Variants in TOX observed in about 807,000 individuals in gnomAD.
TOX encodes thymocyte selection-associated high mobility group box protein TOX.
Under a neutral mutation model 53.7 loss-of-function variants are expected in TOX, and 11 were observed. The ratio of observed to expected loss-of-function variants is 0.20; its 90% CI spans 0.13 to 0.34. The LOEUF is 0.34. Ranked by LOEUF, TOX falls within the 10% of genes least tolerant of loss-of-function variation. The pLI, the probability that TOX is intolerant of heterozygous loss-of-function variation, is 1.00. For synonymous variants in TOX, 225 were observed against 245.3 expected (o/e 0.92, Z 0.77); for missense variants, 570 against 664.6 (o/e 0.86, Z 1.56).
intron 1 of TOX, among the ~76,000 whole-genome samples, chr8:58,978,815 T>G (rs1813152352): frequency 6.6e-6 from 1 of 152,234 alleles, no homozygotes; most frequent in African/African-American, 2.4e-5. Flanking sequence ...CCAACAAATG[T>G]ACAATGACAT....
chr8:58,861,629 G>A (rs1447444028), intron 3 of TOX, among the ~76,000 whole-genome samples: 1 of 152,218 alleles, frequency 6.6e-6, no homozygotes, highest in African/African-American at 2.4e-5. Flanking sequence ...TGGATTGGAA[G>A]TGTAGGTTAA....
intron 3 of TOX, among the ~76,000 whole-genome samples, chr8:58,925,972 G>T (rs1210790506): frequency 6.6e-6 from 1 of 152,084 alleles, no homozygotes; most frequent in Non-Finnish European, 1.5e-5. Context: ...AGAGGGTCTT[G>T]GTCCACTGAG....
intron 1 of TOX, among the ~76,000 whole-genome samples, chr8:59,016,373 A>G (rs1186469287): frequency 1.3e-5 from 2 of 152,198 alleles, no homozygotes; most frequent in Non-Finnish European, 2.9e-5. Context: ...GTATCAATTT[A>G]ATTTTCCCTG....
intron 3 of TOX, among the ~76,000 whole-genome samples, chr8:58,856,380 TTTAG>T (rs145666847): frequency 0.029 from 4,483 of 152,330 alleles, 160 homozygotes; most frequent in East Asian, 0.12. Flanking sequence ...TGAGATATCT[TTTAG>T]TTAAATGGTA....
intron 1 of TOX, among the ~76,000 whole-genome samples, chr8:59,009,624 C>T (rs1055626183): frequency 5.3e-5 from 8 of 152,080 alleles, no homozygotes; most frequent in African/African-American, 1.4e-4. Flanking sequence ...AAGCTCACCA[C>T]GACTCCCAAA....
At chr8:58,932,018 A>G (rs1812262990) in intron 3 of TOX, among the ~76,000 whole-genome samples, 1 of 152,194 alleles carries the variant, frequency 6.6e-6, no homozygotes, top group Non-Finnish European at 1.5e-5. Context: ...TACTGAGTCC[A>G]TTGAACTATA....
intron 3 of TOX, among the ~76,000 whole-genome samples, chr8:58,884,595 G>A (rs1811436894): frequency 6.6e-6 from 1 of 152,096 alleles, no homozygotes; most frequent in Non-Finnish European, 1.5e-5. Context: ...AATTGTGCTG[G>A]CTTGGAGTAA....
intron 4 of TOX, among the ~76,000 whole-genome samples, chr8:58,842,700 C>G (rs1024820690): frequency 1.1e-4 from 16 of 152,152 alleles, no homozygotes; most frequent in Non-Finnish European, 1.9e-4. Flanking sequence ...ACAACAGGCC[C>G]TACTTTTAGG....
intron 1 of TOX, among the ~76,000 whole-genome samples, chr8:59,018,489 T>C (rs115524526): frequency 0.034 from 5,222 of 152,258 alleles, 134 homozygotes; most frequent in South Asian, 0.091. Context: ...TATGTCACGC[T>C]CCAATAGATT....
intron 1 of TOX, among the ~76,000 whole-genome samples, chr8:58,963,934 T>C (rs1812845534): frequency 6.6e-6 from 1 of 152,208 alleles, no homozygotes; most frequent in South Asian, 2.1e-4. Flanking sequence ...TTAAATATAT[T>C]ATCTTTCTAG....
At chr8:58,821,813 T>C (rs1455939019) in intron 6 of TOX, among the ~76,000 whole-genome samples, 2 of 152,352 alleles carry the variant, frequency 1.3e-5, no homozygotes, top group African/African-American at 2.4e-5. Flanking sequence ...TAGGTCCTAT[T>C]ATCTTCTCTG....
At chr8:59,045,286 A>C (rs549181946) in intron 1 of TOX, among the ~76,000 whole-genome samples, 26 of 152,194 alleles carry the variant, frequency 1.7e-4, no homozygotes, top group Non-Finnish European at 3.5e-4. Context: ...ATTTCTTTTC[A>C]AATATGAAAG....
chr8:58,952,935 T>C (rs533524128), intron 2 of TOX, among the ~76,000 whole-genome samples: 2 of 152,332 alleles, frequency 1.3e-5, no homozygotes, highest in Non-Finnish European at 2.9e-5. Context: ...TGGTGTGCTC[T>C]ACATGTGTTT....
intron 6 of TOX, among the ~76,000 whole-genome samples, chr8:58,821,995 C>T (rs1246099375): frequency 6.6e-6 from 1 of 152,120 alleles, no homozygotes; most frequent in Non-Finnish European, 1.5e-5. Context: ...TTTAGATGTC[C>T]TAGAACAGGC....
intron 3 of TOX, among the ~76,000 whole-genome samples, chr8:58,927,167 G>A (rs944961108): frequency 3.3e-5 from 5 of 151,522 alleles, no homozygotes; most frequent in African/African-American, 7.3e-5. Flanking sequence ...AGGATCTCTC[G>A]TTTTCTCTAC....
intron 1 of TOX, among the ~76,000 whole-genome samples, chr8:59,096,824 T>A (rs560464495): frequency 2.0e-5 from 3 of 152,096 alleles, no homozygotes; most frequent in African/African-American, 4.8e-5. Flanking sequence ...GTGAAAAAAA[T>A]CTCCTGTTCT....
chr8:59,105,162 C>A (rs908059005), intron 1 of TOX, among the ~76,000 whole-genome samples: 1 of 152,102 alleles, frequency 6.6e-6, no homozygotes, highest in African/African-American at 2.4e-5. Context: ...CTCATTTCAT[C>A]CCTATGCAAA....
chr8:58,890,378 A>G (rs553520364), intron 3 of TOX, among the ~76,000 whole-genome samples: 5 of 152,192 alleles, frequency 3.3e-5, no homozygotes, highest in Non-Finnish European at 7.3e-5. Flanking sequence ...CTGAACCTGA[A>G]GGGTCAGTAG....
At chr8:59,054,952 AGGAG>A (rs1462718407) in intron 1 of TOX, among the ~76,000 whole-genome samples, 4 of 125,774 alleles carry the variant, frequency 3.2e-5, no homozygotes, top group African/African-American at 9.0e-5. Flanking sequence ...GGAAAAAGAG[AGGAG>A]GGAGGGAGGA....
Sources: gnomAD v4.1 joint callset for allele counts (sites outside exome capture counted in the v4.1 genomes callset) on GRCh38, gnomAD v4.1.1 for gene constraint, MANE v1.5 for transcripts, NCBI Gene and HGNC (gene_info 2026-07-23, HGNC 2026-07-21) for gene names.